Variants in FMNL2 observed in about 807,000 individuals in gnomAD.
FMNL2 encodes formin-like protein 2.
Under a neutral mutation model 130.2 loss-of-function variants are expected in FMNL2, and 51 were observed. The ratio of observed to expected loss-of-function variants is 0.39; its 90% CI spans 0.31 to 0.49. The LOEUF is 0.49. FMNL2 is among the 20% of genes least tolerant of loss of function. FMNL2 has a pLI of 0.85. For synonymous variants in FMNL2, 465 were observed against 467.1 expected, an observed-to-expected ratio of 1.00 and a Z score of 0.06; for missense variants, 977 against 1,316.2, an observed-to-expected ratio of 0.74 and a Z score of 3.99.
chr2:152,648,033 A>C lies in FMNL2; in HGVS notation c.*128A>C. The C allele has an allele frequency of 1.2e-6, 1 of 809,070 alleles. No homozygotes were observed. Among genetic ancestry groups the C allele is most frequent in the Non-Finnish European group, 1.9e-6 (1 of 521,256 alleles). The allele number at this position is 809,070 out of a possible 1,614,324, so 50.1% of individuals were successfully genotyped here. A position where few individuals can be genotyped will look rare whatever the true frequency, so the allele number is the denominator to read the frequency against. On this transcript the variant is annotated 3_prime_UTR_variant, in exon 26 of 26. Transcript: ENST00000288670. ...TATTCTTAAGGGCTCAGATTTAGCA[A>C]ACACGGAAGAATTTTAAAATGAGCT...
At chr2:152,385,618 T>C (rs1684736378) in intron 1 of FMNL2, among the ~76,000 whole-genome samples, 1 of 152,152 alleles carries the variant, frequency 6.6e-6, no homozygotes, top group Non-Finnish European at 1.5e-5. Context: ...TGAGAAAAGG[T>C]AAGATAAGGC....
chr2:152,377,851 G>C (rs1684256095), intron 1 of FMNL2, among the ~76,000 whole-genome samples: 1 of 152,150 alleles, frequency 6.6e-6, no homozygotes, highest in Non-Finnish European at 1.5e-5. Context: ...TAAAAGATGG[G>C]CTGGGTGTGG....
intron 1 of FMNL2, among the ~76,000 whole-genome samples, chr2:152,456,409 C>G (rs1341490830): frequency 5.3e-5 from 8 of 152,160 alleles, no homozygotes; most frequent in African/African-American, 1.9e-4. Context: ...GCCATGTTGC[C>G]TAGGCTGGTC....
rs7607120 is a variant in FMNL2 at position 152,554,384 on chromosome 2, G to A, written c.360-4356G>A. Among the ~76,000 whole-genome samples, 928 of 152,272 alleles carry A rather than the reference G, an allele frequency of 6.1e-3. 14 individuals are homozygous for A. The highest frequency in any genetic ancestry group is 0.021 in the African/African-American group (882 of 41,562). On this transcript the variant is annotated intron_variant, in intron 4 of 25. Transcript: ENST00000288670. ...ATTGTGCCACTGCACTTCAGCCTCA[G>A]CAACAAAGTAAGACCCTGTCTCAAA...
At chr2:152,420,465 G>A (rs1167677466) in intron 1 of FMNL2, among the ~76,000 whole-genome samples, 1 of 152,128 alleles carries the variant, frequency 6.6e-6, no homozygotes, top group Non-Finnish European at 1.5e-5. Flanking sequence ...AAGAAGCATC[G>A]GTTTCTGAGT....
At chr2:152,336,469 C>T (rs1440480702) in intron 1 of FMNL2, among the ~76,000 whole-genome samples, 1 of 152,224 alleles carries the variant, frequency 6.6e-6, no homozygotes, top group Non-Finnish European at 1.5e-5. Flanking sequence ...CGACCCCTCC[C>T]CTCCTCTTGC....
intron 1 of FMNL2, among the ~76,000 whole-genome samples, chr2:152,377,355 A>T (rs1440478984): frequency 6.6e-6 from 1 of 152,216 alleles, no homozygotes; most frequent in African/African-American, 2.4e-5. Context: ...AAATTCTCAG[A>T]TAAGCATCTC....
At chr2:152,547,403 A>G (rs1694704285) in intron 3 of FMNL2, among the ~76,000 whole-genome samples, 1 of 151,982 alleles carries the variant, frequency 6.6e-6, no homozygotes, top group Non-Finnish European at 1.5e-5. Flanking sequence ...TTTCCATCAC[A>G]TTGGGGACAT....
At chr2:152,393,661 T>A (rs1265840130) in intron 1 of FMNL2, among the ~76,000 whole-genome samples, 1 of 152,254 alleles carries the variant, frequency 6.6e-6, no homozygotes, top group East Asian at 1.9e-4. Context: ...ACAGGTTGTA[T>A]TTTTCTTTTA....
intron 1 of FMNL2, among the ~76,000 whole-genome samples, chr2:152,497,035 G>A (rs1691553693): frequency 6.6e-6 from 1 of 152,048 alleles, no homozygotes; most frequent in African/African-American, 2.4e-5. Flanking sequence ...TTCCTAAGAT[G>A]TCAGTACTTC....
intron 25 of FMNL2, among the ~76,000 whole-genome samples, chr2:152,641,751 C>T (rs1481365651): frequency 2.6e-5 from 4 of 152,006 alleles, no homozygotes; most frequent in Non-Finnish European, 4.4e-5. Context: ...ACAACCAAGA[C>T]GTAGAATTTC....
chr2:152,337,834 A>G (rs1681565855), intron 1 of FMNL2, among the ~76,000 whole-genome samples: 2 of 152,164 alleles, frequency 1.3e-5, no homozygotes, highest in South Asian at 4.1e-4. Flanking sequence ...TTTATTGAGT[A>G]GAGACAAAGC....
chr2:152,570,765 T>C (rs1696127136), intron 6 of FMNL2, among the ~76,000 whole-genome samples: 1 of 152,218 alleles, frequency 6.6e-6, no homozygotes, highest in South Asian at 2.1e-4. Flanking sequence ...ACTTGAAAGT[T>C]ACACTTCAGA....
chr2:152,561,126 A>C, intron 6 of FMNL2, 91 bp downstream of exon 6: 556 of 1,313,644 alleles, frequency 4.2e-4, no homozygotes, highest in Non-Finnish European at 5.1e-4. Flanking sequence ...ACTGTATCTC[A>C]TAAATTGCCA....
At position 152,616,503 on chromosome 2, in the gene FMNL2, G is replaced by A. The variant is rs190087125; in HGVS notation, c.1213-588G>A. Reference sequence around the variant, plus strand: ...ACTCCACCACACCTGGCTAATTTTTGTATTTTTTAGTAGAGATGGGGTTTC... The same window carrying A: ...ACTCCACCACACCTGGCTAATTTTTATATTTTTTAGTAGAGATGGGGTTTC... On this transcript the variant is annotated intron_variant, in intron 12 of 25. Transcript: ENST00000288670. Among the ~76,000 whole-genome samples, 352 of 151,810 alleles carry A rather than the reference G, an allele frequency of 2.3e-3. 1 individual carries two copies. Among genetic ancestry groups the A allele is most frequent in the Non-Finnish European group, 3.8e-3 (258 of 67,902 alleles).
intron 2 of FMNL2, among the ~76,000 whole-genome samples, chr2:152,526,527 C>T (rs538479848): frequency 6.6e-6 from 1 of 152,266 alleles, no homozygotes; most frequent in African/African-American, 2.4e-5. Context: ...TAGCAGACAG[C>T]CATTTCTCCC....
intron 21 of FMNL2, 34 bp downstream of exon 21, chr2:152,632,171 G>T (rs779387980): frequency 6.3e-7 from 1 of 1,596,118 alleles, no homozygotes; most frequent in Non-Finnish European, 8.5e-7. Flanking sequence ...TTCGTCTTGG[G>T]TATTTAATGC....
chr2:152,405,528 T>C (rs1015745628), intron 1 of FMNL2, among the ~76,000 whole-genome samples: 4 of 152,200 alleles, frequency 2.6e-5, no homozygotes, highest in African/African-American at 9.6e-5. Flanking sequence ...TCTTGTGATG[T>C]CTTGTGATTT....
chr2:152,614,847 T>G lies in FMNL2; in HGVS notation c.1063-4T>G. 1 of 1,601,978 alleles carries G rather than the reference T, an allele frequency of 6.2e-7. No homozygotes were observed. Among genetic ancestry groups the G allele is most frequent in the Non-Finnish European group, 8.5e-7 (1 of 1,176,816 alleles). On this transcript the variant is annotated splice_polypyrimidine_tract_variant and splice_region_variant and intron_variant, in intron 11 of 25. Transcript: ENST00000288670. Reference sequence around the variant, plus strand: ...ACCACGTTCTCTCCTATTCTGGTTTTTAGAAGCTGAAACACACTGAGAGTG... The same window carrying G: ...ACCACGTTCTCTCCTATTCTGGTTTGTAGAAGCTGAAACACACTGAGAGTG...
Sources: gnomAD v4.1 joint callset for allele counts (sites outside exome capture counted in the v4.1 genomes callset) on GRCh38, gnomAD v4.1.1 for gene constraint, MANE v1.5 for transcripts, NCBI Gene and HGNC (gene_info 2026-07-23, HGNC 2026-07-21) for gene names.